The following SGCD variants were observed in gnomAD, a reference collection of about 807,000 sequenced individuals.
The protein encoded by SGCD is sarcoglycan delta, also known as delta-sarcoglycan.
A neutral mutation model predicts 36.6 loss-of-function variants in SGCD; 18 were observed. The ratio of observed to expected loss-of-function variants is 0.49; its 90% confidence interval spans 0.34 to 0.73. The LOEUF is 0.73. Among genes scored for constraint, SGCD ranks in the 30% least tolerant of loss-of-function variants. The pLI, the probability that SGCD is intolerant of heterozygous loss-of-function variation, is 0.01. For synonymous variants in SGCD, 133 were observed against 130.6 expected (o/e 1.02, Z -0.12); for missense variants, 387 against 346.7 (o/e 1.12, Z -0.92).
chr5:156,142,838 G>A (rs1424701653), intron 3 of SGCD, among the ~76,000 whole-genome samples: 5 of 152,218 alleles, frequency 3.3e-5, no homozygotes, highest in African/African-American at 1.2e-4. Flanking sequence ...AAGGGAAGCA[G>A]AGTGTAAAAG....
rs963569871 is a variant in SGCD at position 156,319,740 on chromosome 5, G to T, written c.-43-9794G>T. ...CTCTATTACCTATCTGTGTGATTTTGACCATATCACGTCTTCTTTTCAGTT... is the reference window on the plus strand; with the variant it reads ...CTCTATTACCTATCTGTGTGATTTTTACCATATCACGTCTTCTTTTCAGTT... On this transcript the variant is annotated intron_variant, in intron 3 of 9. Transcript: ENST00000517913. 2.0e-5 allele frequency among the ~76,000 whole-genome samples: 3 copies of T among 152,152 alleles called. No homozygotes were observed. The South Asian group carries it at 6.2e-4, about 31-fold the overall frequency.
the SGCD span, among the ~76,000 whole-genome samples, chr5:155,864,196 G>GA: frequency 6.6e-6 from 1 of 152,200 alleles, no homozygotes; most frequent in African/African-American, 2.4e-5. Flanking sequence ...GAATAGCATG[G>GA]AAAATCAGGT....
chr5:156,043,118 G>A (rs187206926), intron 1 of SGCD, among the ~76,000 whole-genome samples: 40 of 152,214 alleles, frequency 2.6e-4, no homozygotes, highest in African/African-American at 8.9e-4. Context: ...ATTTTCTTAC[G>A]GTTACAATTT....
rs73295144 is a variant in SGCD at position 156,447,547 on chromosome 5, A to G, written c.193-61054A>G. ...GGAAACCTAGGTGTTTAAAAATCTGATAATGGAAACATATTTTAAAAGTCA... is the reference window on the plus strand; with the variant it reads ...GGAAACCTAGGTGTTTAAAAATCTGGTAATGGAAACATATTTTAAAAGTCA... On this transcript the variant is annotated intron_variant, in intron 3 of 8. Coordinates refer to ENST00000337851, the MANE Select transcript of SGCD (RefSeq NM_000337.6). Among the ~76,000 whole-genome samples, 1,340 of 152,298 alleles carry G rather than the reference A, an allele frequency of 8.8e-3. 26 individuals are homozygous for G. Among genetic ancestry groups the G allele is most frequent in the African/African-American group, 0.031 (1,286 of 41,572 alleles).
intron 3 of SGCD, among the ~76,000 whole-genome samples, chr5:156,399,760 A>G (rs1772044583): frequency 6.6e-6 from 1 of 152,106 alleles, no homozygotes; most frequent in South Asian, 2.1e-4. Flanking sequence ...CATTCTCTAC[A>G]CGTTCATTGT....
chr5:155,738,755 AGAGAGTGT>A, the SGCD span, among the ~76,000 whole-genome samples: 12,650 of 147,984 alleles, frequency 0.085, 711 homozygotes, highest in African/African-American at 0.17. Flanking sequence ...TGTGAGTGTA[AGAGAGTGT>A]GAGAGTGTGA....
the SGCD span, among the ~76,000 whole-genome samples, chr5:155,729,487 G>C: frequency 6.6e-6 from 1 of 152,262 alleles, no homozygotes; most frequent in Non-Finnish European, 1.5e-5. Context: ...AAGGTAGCCC[G>C]AGTAGGAGGT....
At chr5:156,103,983 GT>G (rs1253456849) in intron 1 of SGCD, among the ~76,000 whole-genome samples, 1 of 151,922 alleles carries the variant, frequency 6.6e-6, no homozygotes, top group Non-Finnish European at 1.5e-5. Flanking sequence ...TTAATATTTT[GT>G]TTTTTCCTAT....
At chr5:156,322,598 T>C (rs1767701368), upstream of SGCD, among the ~76,000 whole-genome samples, 1 of 152,206 alleles carries the variant, frequency 6.6e-6, no homozygotes, top group African/African-American at 2.4e-5. Flanking sequence ...AAATAAATTC[T>C]AGAGGAAGTG....
At chr5:155,993,215 C>T (rs1328522489) in intron 1 of SGCD, among the ~76,000 whole-genome samples, 1 of 152,286 alleles carries the variant, frequency 6.6e-6, no homozygotes, top group South Asian at 2.1e-4. Context: ...GGCCCCCGTC[C>T]CCCTGCATTG....
chr5:156,556,212 A>T (rs565490610), intron 4 of SGCD, among the ~76,000 whole-genome samples: 1 of 152,008 alleles, frequency 6.6e-6, no homozygotes, highest in Non-Finnish European at 1.5e-5. Context: ...AAGCCAAGTC[A>T]CATCTTACTG....
intron 3 of SGCD, among the ~76,000 whole-genome samples, chr5:156,469,223 A>G (rs1299781745): frequency 6.6e-6 from 1 of 152,102 alleles, no homozygotes; most frequent in Non-Finnish European, 1.5e-5. Flanking sequence ...TTTTTAGTCC[A>G]TATTTGCATT....
intron 3 of SGCD, among the ~76,000 whole-genome samples, chr5:156,429,704 G>A (rs1484881921): frequency 1.3e-5 from 2 of 151,834 alleles, no homozygotes; most frequent in Non-Finnish European, 2.9e-5. Context: ...TTCTTGTAGT[G>A]CTGATCTGGT....
At chr5:156,588,674 G>A (rs924338419) in intron 4 of SGCD, among the ~76,000 whole-genome samples, 5 of 152,176 alleles carry the variant, frequency 3.3e-5, no homozygotes, top group Non-Finnish European at 5.9e-5. Context: ...AGAAAACGGA[G>A]GCAGAAGCAT....
intron 3 of SGCD, among the ~76,000 whole-genome samples, chr5:156,231,304 C>G (rs371506701): frequency 1.9e-4 from 29 of 152,290 alleles, no homozygotes; most frequent in Middle Eastern, 6.8e-3. Context: ...GGAGGCCAAG[C>G]TGTGTGGATC....
chr5:156,502,588 G>C (rs1756506997), intron 3 of SGCD, among the ~76,000 whole-genome samples: 1 of 152,118 alleles, frequency 6.6e-6, no homozygotes, highest in Admixed American at 6.6e-5. Flanking sequence ...TCCTGCCTCA[G>C]CCTCTCAAAG....
In SGCD at chr5:156,309,229, C is replaced by T. The variant is rs560535527; in HGVS notation, c.-43-20305C>T. 2.6e-5 allele frequency among the ~76,000 whole-genome samples: 4 copies of T among 152,206 alleles called. No homozygotes were observed. The South Asian group carries it at 8.3e-4, about 32-fold the overall frequency. ...GCCACTATTTCTTCAAGTATGTTTT[C>T]TGCCCTGTTCTCTCTCTTTTTTCCA... is the stretch of plus-strand genomic sequence containing the variant. On this transcript the variant is annotated intron_variant, in intron 3 of 9. Transcript: ENST00000517913.
chr5:156,568,479 C>T (rs529076832), intron 4 of SGCD, among the ~76,000 whole-genome samples: 13 of 152,278 alleles, frequency 8.5e-5, no homozygotes, highest in South Asian at 6.2e-4. Context: ...AGAATGTAAC[C>T]GACGGCCATA....
chr5:155,740,497 T>C, the SGCD span, among the ~76,000 whole-genome samples: 1 of 152,156 alleles, frequency 6.6e-6, no homozygotes, highest in Non-Finnish European at 1.5e-5. Flanking sequence ...ATCCTTTTTA[T>C]ACTCAAATTG....
Sources: allele counts gnomAD v4.1 joint callset (sites outside exome capture counted in the v4.1 genomes callset), GRCh38; gene constraint gnomAD v4.1.1; transcripts MANE v1.5; gene names NCBI Gene and HGNC (gene_info 2026-07-23, HGNC 2026-07-21).